The following CYP19A1 variants were observed in gnomAD, a reference collection of about 807,000 sequenced individuals.
CYP19A1 encodes aromatase.
In CYP19A1, 32 loss-of-function variants were observed where a neutral mutation model predicts 44.4. The ratio of observed to expected loss-of-function variants is 0.72; its 90% confidence interval spans 0.54 to 0.97. The LOEUF (loss-of-function observed/expected upper bound fraction) is 0.97, where lower values mean the gene tolerates loss of function less well. CYP19A1 is among the 50% of genes least tolerant of loss of function. The probability of loss-of-function intolerance (pLI) is 0.00; values close to 1 mark genes in which losing one functional copy is unlikely to be tolerated. For missense variants in CYP19A1, 598 were observed against 637.8 expected (o/e 0.94, Z 0.67); for synonymous variants, 212 against 215.6 (o/e 0.98, Z 0.14).
At chr15:51,283,768 T>G (rs1448938830) in intron 1 of CYP19A1, among the ~76,000 whole-genome samples, 1 of 152,182 alleles carries the variant, frequency 6.6e-6, no homozygotes, top group Non-Finnish European at 1.5e-5. Flanking sequence ...GACAACCTCT[T>G]TCAGGAAATG....
rs571112710 is a variant in CYP19A1 at position 51,288,848 on chromosome 15, C to T, written c.-38-45898G>A. ...CCTTTGCCCTCCCAGCCGGCCCCAC[C>T]CATAGCGACTAAACCAACACCGATG... On this transcript the variant is annotated intron_variant, in intron 1 of 9. Coordinates refer to ENST00000396402, the MANE Select transcript of CYP19A1 (RefSeq NM_000103.4). 7.9e-5 allele frequency among the ~76,000 whole-genome samples: 12 copies of T among 152,320 alleles called. No homozygotes were observed. In the East Asian group the frequency reaches 2.1e-3, roughly 27 times the overall value.
intron 3 of CYP19A1, among the ~76,000 whole-genome samples, chr15:51,234,064 C>G (rs750985100): frequency 1.3e-5 from 2 of 151,810 alleles, no homozygotes; most frequent in African/African-American, 2.4e-5. Context: ...CTACAGACCT[C>G]AAACTTTTCA....
chr15:51,298,187 C>T (rs941592061), intron 1 of CYP19A1, among the ~76,000 whole-genome samples: 5 of 152,174 alleles, frequency 3.3e-5, no homozygotes, highest in African/African-American at 1.2e-4. Flanking sequence ...GCATAAAAAC[C>T]AAATGGTCCT....
In CYP19A1 at chr15:51,249,160, C is replaced by T. The variant is rs193209460; in HGVS notation, c.-38-6210G>A. ...ATCATCATGTTGGCCAAGCTGGTCT[C>T]GAACTCCTGACCTCAGGTGATTCAC... On this transcript the variant is annotated intron_variant, in intron 1 of 9. Coordinates refer to ENST00000396402, the MANE Select transcript of CYP19A1 (RefSeq NM_000103.4). Among the ~76,000 whole-genome samples the T allele has an allele frequency of 4.0e-3, 613 of 152,156 alleles. 4 individuals carry two copies. The highest frequency in any genetic ancestry group is 0.014 in the African/African-American group (587 of 41,496).
intron 1 of CYP19A1, among the ~76,000 whole-genome samples, chr15:51,285,683 A>G (rs1033398234): frequency 3.3e-5 from 5 of 152,212 alleles, no homozygotes; most frequent in African/African-American, 1.2e-4. Flanking sequence ...TATGCTTCAA[A>G]GGAAATGCTA....
intron 1 of CYP19A1, chr15:51,313,132 A>G (rs369181264): frequency 6.6e-6 from 1 of 152,250 alleles, no homozygotes; most frequent in Non-Finnish European, 1.5e-5. Context: ...GAAAAAATAC[A>G]AAGTAGTCTC....
chr15:51,270,267 T>C (rs2035076267), intron 1 of CYP19A1, among the ~76,000 whole-genome samples: 2 of 152,136 alleles, frequency 1.3e-5, no homozygotes, highest in East Asian at 1.9e-4. Flanking sequence ...AAGAATACAA[T>C]TGGATTTTGT....
chr15:51,316,223 C>T (rs576671707), intron 1 of CYP19A1: 1 of 152,302 alleles, frequency 6.6e-6, no homozygotes, highest in Non-Finnish European at 1.5e-5. Context: ...GGCATGTTGG[C>T]TCATGTCTCT....
chr15:51,249,539 C>T (rs1315083367), intron 1 of CYP19A1, among the ~76,000 whole-genome samples: 1 of 152,188 alleles, frequency 6.6e-6, no homozygotes, highest in Non-Finnish European at 1.5e-5. Flanking sequence ...ATTAAATAAA[C>T]ATTTATTAGG....
intron 1 of CYP19A1, among the ~76,000 whole-genome samples, chr15:51,264,978 C>T (rs1395373346): frequency 1.3e-5 from 2 of 152,198 alleles, no homozygotes; most frequent in East Asian, 3.8e-4. Context: ...AGGGTTGGGT[C>T]ACCAGCTTTA....
chr15:51,326,728 G>T (rs964140569), intron 1 of CYP19A1, among the ~76,000 whole-genome samples: 6 of 152,180 alleles, frequency 3.9e-5, no homozygotes, highest in Admixed American at 1.3e-4. Flanking sequence ...CTTAATATGA[G>T]ACCCAGGTTT....
chr15:51,323,249 T>C (rs2036555342), intron 1 of CYP19A1, among the ~76,000 whole-genome samples: 2 of 152,104 alleles, frequency 1.3e-5, no homozygotes, highest in African/African-American at 4.8e-5. Context: ...GCCCTCTCTC[T>C]CCTTGCCTGC....
At chr15:51,221,261 G>A (rs1260035829) in intron 5 of CYP19A1, 1 of 152,088 alleles carries the variant, frequency 6.6e-6, no homozygotes, top group Non-Finnish European at 1.5e-5. Context: ...ATGGGCTTGT[G>A]AATTTTTCTT....
chr15:51,270,483 T>C lies in CYP19A1; in HGVS notation c.-38-27533A>G, dbSNP rs374848816. ...ACCCCTTCACCCTAAAAACAGCTTC[T>C]AGAAGTTGCTGAAGAAATCTCATAC... is the stretch of plus-strand genomic sequence containing the variant. On this transcript the variant is annotated intron_variant, in intron 1 of 9. Coordinates refer to ENST00000396402, the MANE Select transcript of CYP19A1 (RefSeq NM_000103.4). 2.4e-4 allele frequency among the ~76,000 whole-genome samples: 36 copies of C among 152,288 alleles called. No individual in the cohort carries two copies. The East Asian group carries it at 5.0e-3, about 21-fold the overall frequency.
At chr15:51,303,827 G>A (rs970685784) in intron 1 of CYP19A1, among the ~76,000 whole-genome samples, 1 of 152,216 alleles carries the variant, frequency 6.6e-6, no homozygotes. Context: ...AATTGCACGT[G>A]TCCATGCCTC....
intron 4 of CYP19A1, among the ~76,000 whole-genome samples, chr15:51,225,751 G>A (rs963613322): frequency 2.0e-5 from 3 of 152,116 alleles, no homozygotes; most frequent in African/African-American, 7.2e-5. Context: ...TAGCAGATAT[G>A]ACTAAGGTTA....
chr15:51,214,466 A>T (rs3825800), intron 8 of CYP19A1, among the ~76,000 whole-genome samples: 2 of 151,932 alleles, frequency 1.3e-5, no homozygotes, highest in Admixed American at 6.5e-5. Flanking sequence ...ATGTATCACT[A>T]CCCTGTCTTT....
chr15:51,219,178 A>AT (rs1301608442), intron 5 of CYP19A1, among the ~76,000 whole-genome samples: 1 of 152,014 alleles, frequency 6.6e-6, no homozygotes, highest in South Asian at 2.1e-4. Context: ...TGCTTTATTC[A>AT]TTTTTCCCCC....
At chr15:51,230,645 G>A (rs1379800232) in intron 3 of CYP19A1, among the ~76,000 whole-genome samples, 2 of 137,970 alleles carry the variant, frequency 1.4e-5, no homozygotes, top group South Asian at 4.6e-4. Flanking sequence ...TTGAGACAGA[G>A]TCTCACTCTA....
Sources: allele counts gnomAD v4.1 joint callset (sites outside exome capture counted in the v4.1 genomes callset), GRCh38; gene constraint gnomAD v4.1.1; transcripts MANE v1.5; gene names NCBI Gene and HGNC (gene_info 2026-07-23, HGNC 2026-07-21).